TEX14: variants seen among roughly 807,000 people sequenced by gnomAD.
The protein encoded by TEX14 is testis expressed 14, intercellular bridge forming factor.
Under a neutral mutation model 178.6 loss-of-function variants are expected in TEX14, and 168 were observed. The observed-to-expected ratio is 0.94, with a 90% CI of 0.83 to 1.07. The LOEUF (loss-of-function observed/expected upper bound fraction) is 1.07, where lower values mean the gene tolerates loss of function less well. Among genes scored for constraint, TEX14 ranks in the 50% least tolerant of loss-of-function variants. The pLI, the probability that TEX14 is intolerant of heterozygous loss-of-function variation, is 0.00. For synonymous variants in TEX14, 626 were observed against 634.1 expected, an observed-to-expected ratio of 0.99 and a Z score of 0.19; for missense variants, 1,730 against 1,753.6, an observed-to-expected ratio of 0.99 and a Z score of 0.24.
intron 1 of TEX14, among the ~76,000 whole-genome samples, chr17:58,674,003 G>A (rs192502526): frequency 2.0e-5 from 3 of 152,300 alleles, no homozygotes; most frequent in East Asian, 3.9e-4. Context: ...GCCGGGTGCG[G>A]TGTCTCCCAC....
In TEX14 at chr17:58,643,874, C is replaced by CAAAAAAAAAAAAAAAAAAA. The variant is rs71143262; in HGVS notation, c.136+7973_136+7991dup. ...TGGGCAACAGAGCAAGACTCTGTCT[C>CAAAAAAAAAAAAAAAAAAA]AAAAAAAAAAAAAAAAAAAAAAAAA... On this transcript the variant is annotated intron_variant, in intron 2 of 31. Transcript: ENST00000349033. Among the ~76,000 whole-genome samples, 2 of 20,512 alleles carry CAAAAAAAAAAAAAAAAAAA rather than the reference C, an allele frequency of 9.8e-5. 1 individual carries two copies. The highest frequency in any genetic ancestry group is 3.9e-4 in the African/African-American group (2 of 5,110). The allele number at this position is 20,512 out of a possible 152,430, so 13.5% of individuals were successfully genotyped here. A position where few individuals can be genotyped will look rare whatever the true frequency, so the allele number is the denominator to read the frequency against.
intron 1 of TEX14, among the ~76,000 whole-genome samples, chr17:58,688,765 A>G (rs558676365): frequency 3.3e-5 from 5 of 152,126 alleles, no homozygotes; most frequent in Non-Finnish European, 5.9e-5. Context: ...AAATTTTTTC[A>G]TGAAGTAACC....
In TEX14 at chr17:58,574,204, TTCCTTTGGTGAC is replaced by T; in HGVS notation, c.3354_3365del (p.Ser1119_Glu1122del). 1 of 1,613,706 alleles carries T rather than the reference TTCCTTTGGTGAC, an allele frequency of 6.2e-7. No individual in the cohort carries two copies. Among genetic ancestry groups the T allele is most frequent in the South Asian group, 1.1e-5 (1 of 91,070 alleles). ...GATCATACATGTCTTTCTCTTTCAG[TTCCTTTGGTGAC>T]TCCTTTGATGTCTCTTCTTGTTCAT... On this transcript the variant is annotated inframe_deletion, in exon 22 of 32. Coordinates refer to ENST00000349033, the MANE Select transcript of TEX14 (RefSeq NM_031272.5).
Position 58,607,653 on chromosome 17 carries a change from T to C in TEX14, c.1185-2524A>G, listed in dbSNP as rs1440390991. Among the ~76,000 whole-genome samples, 5 of 152,236 alleles carry C rather than the reference T, an allele frequency of 3.3e-5. No homozygotes were observed. In the East Asian group the frequency reaches 9.6e-4, roughly 29 times the overall value. The stretch of plus-strand genomic sequence containing the variant: ...CATTTCGGGCTAGGATTCACATTTC[T>C]ATTGGTGAGCAAAAGGAGAAGAAAC... On this transcript the variant is annotated intron_variant, in intron 10 of 31. Coordinates refer to ENST00000349033, the MANE Select transcript of TEX14 (RefSeq NM_031272.5).
intron 1 of TEX14, among the ~76,000 whole-genome samples, chr17:58,652,461 C>T (rs1405864297): frequency 1.3e-5 from 2 of 152,140 alleles, no homozygotes; most frequent in African/African-American, 4.8e-5. Flanking sequence ...CAGTACTTCT[C>T]CTTCCTGCCA....
chr17:58,613,085 C>A (rs2045784645), intron 9 of TEX14, among the ~76,000 whole-genome samples: 1 of 151,952 alleles, frequency 6.6e-6, no homozygotes, highest in African/African-American at 2.4e-5. Context: ...GCCTGTAGTT[C>A]CAGCTACTCG....
chr17:58,649,801 G>A (rs144769061), intron 2 of TEX14, among the ~76,000 whole-genome samples: 7,160 of 151,978 alleles, frequency 0.047, 261 homozygotes, highest in Non-Finnish European at 0.071. Context: ...GTGCAGTGGC[G>A]CGATCTCAGC....
chr17:58,595,823 T>A (rs891937558), intron 14 of TEX14, among the ~76,000 whole-genome samples: 1 of 152,252 alleles, frequency 6.6e-6, no homozygotes, highest in Admixed American at 6.5e-5. Flanking sequence ...TATTGTTATT[T>A]TAAGCCATTA....
At chr17:58,601,326 T>A (rs1053328967) in intron 13 of TEX14, among the ~76,000 whole-genome samples, 4 of 151,850 alleles carry the variant, frequency 2.6e-5, no homozygotes, top group Non-Finnish European at 4.4e-5. Context: ...ATCGAGACCA[T>A]CCTGGCCAAC....
chr17:58,621,528 T>C (rs1336702317), intron 5 of TEX14, 122 bp downstream of exon 5: 4 of 1,016,120 alleles, frequency 3.9e-6, no homozygotes, highest in Non-Finnish European at 5.7e-6. Flanking sequence ...GCACACCCCT[T>C]TGGATGGGCC....
chr17:58,596,053 C>T (rs1437837972), intron 14 of TEX14, among the ~76,000 whole-genome samples: 2 of 151,908 alleles, frequency 1.3e-5, no homozygotes, highest in Non-Finnish European at 2.9e-5. Context: ...CATGGTGGTG[C>T]GCACCTGTAG....
At chr17:58,661,197 A>C (rs1287916770) in intron 1 of TEX14, 1 of 799,258 alleles carries the variant, frequency 1.3e-6, no homozygotes. Context: ...TTTTCAGCTG[A>C]GTTGGTCTTG....
intron 1 of TEX14, among the ~76,000 whole-genome samples, chr17:58,675,838 G>A (rs1220290359): frequency 6.6e-6 from 1 of 152,138 alleles, no homozygotes; most frequent in Non-Finnish European, 1.5e-5. Context: ...TTGTTCTGTC[G>A]CCTGGGCCTC....
At chr17:58,610,620 T>C (rs547536031) in intron 10 of TEX14, among the ~76,000 whole-genome samples, 60 of 152,276 alleles carry the variant, frequency 3.9e-4, no homozygotes, top group African/African-American at 1.4e-3. Context: ...GCGCAGTGGA[T>C]CACACCTGTA....
chr17:58,633,609 G>A (rs2046368848), intron 2 of TEX14, among the ~76,000 whole-genome samples: 1 of 151,726 alleles, frequency 6.6e-6, no homozygotes. Context: ...CAGATCACTT[G>A]AGGTCAGGAG....
intron 1 of TEX14, among the ~76,000 whole-genome samples, chr17:58,659,022 A>C (rs1232267717): frequency 2.0e-5 from 3 of 152,134 alleles, no homozygotes; most frequent in African/African-American, 7.2e-5. Context: ...ATTAAAACAG[A>C]CCGTAACCTA....
intron 10 of TEX14, among the ~76,000 whole-genome samples, chr17:58,607,654 A>G (rs988540999): frequency 2.6e-5 from 4 of 152,172 alleles, no homozygotes; most frequent in African/African-American, 4.8e-5. Flanking sequence ...TCACATTTCT[A>G]TTGGTGAGCA....
chr17:58,659,265 TTA>T (rs2047052896), intron 1 of TEX14: 1 of 835,478 alleles, frequency 1.2e-6, no homozygotes, highest in Non-Finnish European at 1.4e-6. Flanking sequence ...GAAAAACACT[TTA>T]TCAGGACCAA....
intron 15 of TEX14, among the ~76,000 whole-genome samples, chr17:58,591,255 C>T (rs1310307164): frequency 6.6e-6 from 1 of 152,318 alleles, no homozygotes; most frequent in Non-Finnish European, 1.5e-5. Context: ...CGGTGGCTCA[C>T]GCCTGTAATC....
Sources: allele counts gnomAD v4.1 joint callset (sites outside exome capture counted in the v4.1 genomes callset), GRCh38; gene constraint gnomAD v4.1.1; transcripts MANE v1.5; gene names NCBI Gene and HGNC (gene_info 2026-07-23, HGNC 2026-07-21).